Variants in PLEKHN1 observed in about 807,000 individuals in gnomAD.
PLEKHN1 encodes pleckstrin homology domain-containing family N member 1.
A neutral mutation model predicts 72.8 loss-of-function variants in PLEKHN1; 68 were observed. The observed-to-expected ratio is 0.93, with a 90% CI of 0.77 to 1.14. PLEKHN1 has a LOEUF of 1.14. Among genes scored for constraint, PLEKHN1 ranks in the 50% most tolerant of loss-of-function variants. The pLI, the probability that PLEKHN1 is intolerant of heterozygous loss-of-function variation, is 0.00. For missense variants in PLEKHN1, 1,015 were observed against 840.5 expected, an observed-to-expected ratio of 1.21 and a Z score of -2.57; for synonymous variants, 454 against 371.6, an observed-to-expected ratio of 1.22 and a Z score of -2.55.
In PLEKHN1 at chr1:972,488, G is replaced by A. The variant is rs915440497; in HGVS notation, c.1002+64G>A. 54 of 1,473,720 alleles carry A rather than the reference G, an allele frequency of 3.7e-5. No individual in the cohort carries two copies. The African/African-American group carries it at 4.1e-4, about 11-fold the overall frequency. The allele number at this position is 1,473,720 out of a possible 1,614,324, so 91.3% of individuals were successfully genotyped here. On this transcript the variant is annotated intron_variant, in intron 10 of 15. Coordinates refer to ENST00000379410, the MANE Select transcript of PLEKHN1 (RefSeq NM_032129.3). ...AGTGGTAAAAAGGGGGCAGCAGACC[G>A]GGCGTGGTGGCGCACGCCTGTAATC...
In PLEKHN1 at chr1:970,900, T is replaced by C. The variant is rs1211806765; in HGVS notation, c.506T>C (p.Leu169Pro). 3.7e-6 allele frequency: 6 copies of C among 1,610,862 alleles called. No individual in the cohort carries two copies. The highest frequency in any genetic ancestry group is 5.1e-6 in the Non-Finnish European group (6 of 1,179,826). The part of the protein sequence containing the change: ...QITGPLPAPL[L>P]VLCPSRAELD... ...GCAGGCCCACTGCCCGCACCCCTCC[T>C]GGTGCTCTGCCCCAGCCGGGCCGAG... The change falls in exon 6 of 16, where the codon CTG (leucine) becomes CCG (proline). Residue 169 changes from leucine (L) to proline (P), a missense_variant. Physicochemically the swap from Leu to Pro is moderately conservative, Grantham distance 98. Transcript: ENST00000379410. This position sits in a 1 kb window ranked among gnomAD's most constrained non-coding sequence, Gnocchi z 4.2.
intron 2 of PLEKHN1, among the ~76,000 whole-genome samples, chr1:968,039 A>G (rs1643102240): frequency 6.6e-6 from 1 of 152,204 alleles, no homozygotes; most frequent in African/African-American, 2.4e-5. Context: ...AGCTGGCTCT[A>G]CTACGGCTCC....
chr1:966,885 G>A (rs955798767), intron 2 of PLEKHN1, 82 bp downstream of exon 2: 5 of 1,421,284 alleles, frequency 3.5e-6, no homozygotes, highest in Non-Finnish European at 4.7e-6. Context: ...TGCAGCTCAG[G>A]GTCTTCCCCT....
At position 966,501 on chromosome 1, in the gene PLEKHN1, C is replaced by T; in HGVS notation, c.-31C>T. The T allele has an allele frequency of 1.9e-6, 3 of 1,575,594 alleles. No homozygotes were observed. The highest frequency in any genetic ancestry group is 1.1e-5 in the South Asian group (1 of 89,636). Reference sequence around the variant, plus strand: ...GGGGGCAGGAGGCTGTGGACAGGGACCCAGACTTGCCGACCTGTACGACTC... The same window carrying T: ...GGGGGCAGGAGGCTGTGGACAGGGATCCAGACTTGCCGACCTGTACGACTC... On this transcript the variant is annotated 5_prime_UTR_variant, in exon 1 of 16. Transcript: ENST00000379410.
Position 970,738 on chromosome 1 carries a change from A to G in PLEKHN1, c.464A>G (p.Glu155Gly), listed in dbSNP as rs1401441266. 1 of 1,609,204 alleles carries G rather than the reference A, an allele frequency of 6.2e-7. No homozygotes were observed. Among genetic ancestry groups the G allele is most frequent in the Non-Finnish European group, 8.5e-7 (1 of 1,177,534 alleles). Reference sequence around the variant, plus strand: ...GTCTGCCCGCTCGAGGGGTCCCGAGAGCACGCCTTCCAGATCACAGGTGTT... The same window carrying G: ...GTCTGCCCGCTCGAGGGGTCCCGAGGGCACGCCTTCCAGATCACAGGTGTT... Reference protein sequence around the residue: ...LSVCPLEGSREHAFQITGPLP... With the variant: ...LSVCPLEGSRGHAFQITGPLP... The change falls in exon 5 of 16, where the codon GAG (glutamate) becomes GGG (glycine). Residue 155 changes from glutamate to glycine, a missense_variant. Transcript: ENST00000379410. The surrounding 1 kb of genome is among the most constrained non-coding windows in gnomAD (Gnocchi z 4.2).
rs1219199006 is a variant in PLEKHN1 at position 970,711 on chromosome 1, G to A, written c.437G>A (p.Ser146Asn). 3 of 1,600,352 alleles carry A rather than the reference G, an allele frequency of 1.9e-6. No individual in the cohort carries two copies. Among genetic ancestry groups the A allele is most frequent in the Non-Finnish European group, 2.6e-6 (3 of 1,172,058 alleles). Reference protein sequence around the residue: ...FQGLLPLTELSVCPLEGSREH... With the variant: ...FQGLLPLTELNVCPLEGSREH... Reference sequence around the variant, plus strand: ...GGGCTGTTACCGCTGACGGAGCTGAGTGTCTGCCCGCTCGAGGGGTCCCGA... The same window carrying A: ...GGGCTGTTACCGCTGACGGAGCTGAATGTCTGCCCGCTCGAGGGGTCCCGA... The change falls in exon 5 of 16, where the codon AGT becomes AAT. Residue 146 changes from serine to asparagine, a missense_variant. By Grantham distance (46) the Ser-to-Asn change is conservative. Coordinates refer to ENST00000379410, the MANE Select transcript of PLEKHN1 (RefSeq NM_032129.3). The surrounding 1 kb of genome is among the most constrained non-coding windows in gnomAD (Gnocchi z 4.2).
chr1:969,673 CGT>C (rs891241741), intron 2 of PLEKHN1, among the ~76,000 whole-genome samples: 19 of 150,688 alleles, frequency 1.3e-4, no homozygotes, highest in South Asian at 4.2e-4. Context: ...CATATGTGTG[CGT>C]GTGTGTACAT....
Position 972,899 on chromosome 1 carries a change from A to T in PLEKHN1, c.1041A>T (p.Gly347=). Residue 347 remains glycine (G), a synonymous_variant, in exon 11 of 16, where the codon GGA becomes GGT. Coordinates refer to ENST00000379410, the MANE Select transcript of PLEKHN1 (RefSeq NM_032129.3). ...GSGRGSLSSG[G]QTSWDSGCLA... is the part of the protein sequence containing the mutation. Reference sequence around the variant, plus strand: ...GCCGAGGCTCACTCTCCTCAGGCGGACAGACCAGCTGGGACTCGGGGTGCT... The same window carrying T: ...GCCGAGGCTCACTCTCCTCAGGCGGTCAGACCAGCTGGGACTCGGGGTGCT... The T allele has an allele frequency of 6.4e-7, 1 of 1,559,542 alleles. No homozygotes were observed. Among genetic ancestry groups the T allele is most frequent in the Non-Finnish European group, 8.7e-7 (1 of 1,151,612 alleles).
chr1:973,964 G>A lies in PLEKHN1; in HGVS notation c.1566G>A (p.Lys522=). The A allele has an allele frequency of 6.2e-7, 1 of 1,610,112 alleles. No homozygotes were observed. The highest frequency in any genetic ancestry group is 8.5e-7 in the Non-Finnish European group (1 of 1,179,650). The change falls in exon 14 of 16, where the codon AAG becomes AAA. Residue 522 remains lysine (K), a synonymous_variant. Transcript: ENST00000379410. ...SGPAGPYLLS[K]KGALQSRAAQ... Reference sequence around the variant, plus strand: ...CCGCTGGCCCCTACTTGCTCTCCAAGAAGGGAGCCCTGCAGTCCAGAGCCG... The same window carrying A: ...CCGCTGGCCCCTACTTGCTCTCCAAAAAGGGAGCCCTGCAGTCCAGAGCCG...
chr1:967,619 C>T (rs1226066969), intron 2 of PLEKHN1, among the ~76,000 whole-genome samples: 2 of 152,130 alleles, frequency 1.3e-5, no homozygotes, highest in African/African-American at 2.4e-5. Context: ...CTGGCATGGC[C>T]GTGCAGACCC....
At position 974,569 on chromosome 1, in the gene PLEKHN1, G is replaced by T; in HGVS notation, c.1830G>T (p.Trp610Cys). 1 of 1,611,102 alleles carries T rather than the reference G, an allele frequency of 6.2e-7. No homozygotes were observed. Among genetic ancestry groups the T allele is most frequent in the Non-Finnish European group, 8.5e-7 (1 of 1,179,212 alleles). ...GPEASGGLVQ[W>C]I Reference sequence around the variant, plus strand: ...AGGCCAGTGGGGGGCTTGTGCAGTGGATCTGATGGCCGCGGTGAGGTGGGT... The same window carrying T: ...AGGCCAGTGGGGGGCTTGTGCAGTGTATCTGATGGCCGCGGTGAGGTGGGT... The change falls in exon 16 of 16, where the codon TGG (tryptophan) becomes TGT (cysteine). Residue 610 changes from tryptophan (W) to cysteine (C), a missense_variant. By Grantham distance (215) the Trp-to-Cys change is radical (BLOSUM62 -2). Transcript: ENST00000379410.
Position 973,519 on chromosome 1 carries a change from A to G in PLEKHN1, c.1313A>G (p.Glu438Gly), listed in dbSNP as rs774601662. The change falls in exon 13 of 16, where the codon GAG becomes GGG. Residue 438 changes from glutamate (E) to glycine (G), a missense_variant. Glu to Gly is a moderately conservative substitution (Grantham distance 98). Coordinates refer to ENST00000379410, the MANE Select transcript of PLEKHN1 (RefSeq NM_032129.3). ...DLTQLHRLSL[E>G]SSPDAPDHTS... is the part of the protein sequence containing the mutation. The stretch of plus-strand genomic sequence containing the variant: ...CTGCAGCTGCACAGGCTGAGCCTGG[A>G]GAGCAGCCCAGATGCCCCTGACCAC... 1.9e-6 allele frequency: 3 copies of G among 1,613,042 alleles called. No individual in the cohort carries two copies. The highest frequency in any genetic ancestry group is 2.5e-6 in the Non-Finnish European group (3 of 1,179,974).
At position 972,521 on chromosome 1, in the gene PLEKHN1, T is replaced by C; in HGVS notation, c.1002+97T>C. The C allele has an allele frequency of 2.2e-6, 3 of 1,380,462 alleles. No individual in the cohort carries two copies. In the South Asian group the frequency reaches 4.4e-5, roughly 20 times the overall value. The allele number at this position is 1,380,462 out of a possible 1,614,324, so 85.5% of individuals were successfully genotyped here. ...TGGCGCACGCCTGTAATCCCAGCAT[T>C]TTAGGAGGCTGAGGCGGGCGGATCA... On this transcript the variant is annotated intron_variant, in intron 10 of 15. Transcript: ENST00000379410.
Position 973,316 on chromosome 1 carries a change from A to G in PLEKHN1, c.1283A>G (p.Asp428Gly). The G allele has an allele frequency of 6.5e-7, 1 of 1,547,644 alleles. No individual in the cohort carries two copies. Among genetic ancestry groups the G allele is most frequent in the Non-Finnish European group, 8.8e-7 (1 of 1,142,136 alleles). Residue 428 changes from aspartate to glycine, a missense_variant, in exon 12 of 16, where the codon GAC (aspartate) becomes GGC (glycine). By Grantham distance (94) the Asp-to-Gly change is moderately conservative. Transcript: ENST00000379410. ...GGCCCTGTCACCCCACTGCACCTGGACCTGACCCAGGTGGGCCCAGCACAC... is the reference window on the plus strand; with the variant it reads ...GGCCCTGTCACCCCACTGCACCTGGGCCTGACCCAGGTGGGCCCAGCACAC... ...GRGPVTPLHL[D>G]LTQLHRLSLE...
intron 13 of PLEKHN1, 53 bp from the exon 14 acceptor site, chr1:973,780 G>A: frequency 4.4e-6 from 7 of 1,582,464 alleles, no homozygotes; most frequent in Non-Finnish European, 6.0e-6. Flanking sequence ...GGAGGTTGAG[G>A]TTCTGGGGGC....
Position 974,733 on chromosome 1 carries a change from C to G in PLEKHN1, c.*158C>G. The G allele has an allele frequency of 1.1e-6, 1 of 898,308 alleles. No individual in the cohort carries two copies. The highest frequency in any genetic ancestry group is 2.8e-5 in the East Asian group (1 of 35,646). 55.6% of individuals were successfully genotyped at this position (898,308 alleles called of 1,614,324 possible). A position where few individuals can be genotyped will look rare whatever the true frequency, so the allele number is the denominator to read the frequency against. On this transcript the variant is annotated 3_prime_UTR_variant, in exon 16 of 16. Transcript: ENST00000379410. The stretch of plus-strand genomic sequence containing the variant: ...AGAGCCCGTCCCTCAGCTCCTGTTC[C>G]TTGGTGCCAGCAGCTGGGGCAGGGA...
At chr1:969,615 C>A (rs1049939108) in intron 2 of PLEKHN1, among the ~76,000 whole-genome samples, 34 of 149,652 alleles carry the variant, frequency 2.3e-4, no homozygotes, top group African/African-American at 8.4e-4. Flanking sequence ...CACGTGTGTG[C>A]ATATCTGTGT....
At chr1:972,529 G>A in intron 10 of PLEKHN1, 105 bp downstream of exon 10, 1 of 1,344,126 alleles carries the variant, frequency 7.4e-7, no homozygotes, top group Non-Finnish European at 9.9e-7. Flanking sequence ...ATTTTAGGAG[G>A]CTGAGGCGGG....
At position 970,329 on chromosome 1, in the gene PLEKHN1, G is replaced by C. The variant is rs1436963332; in HGVS notation, c.236G>C (p.Ser79Thr). The C allele has an allele frequency of 6.2e-7, 1 of 1,613,594 alleles. No homozygotes were observed. Among genetic ancestry groups the C allele is most frequent in the South Asian group, 1.1e-5 (1 of 91,084 alleles). ...QRENLEQPFL[S>T]VFKKGRRRVP... The stretch of plus-strand genomic sequence containing the variant: ...GAAAACCTGGAGCAGCCATTCCTGA[G>C]TGTGTTCAAGAAGGGGCGGCGGAGG... Residue 79 changes from serine (S) to threonine (T), a missense_variant, in exon 3 of 16, where the codon AGT becomes ACT. Coordinates refer to ENST00000379410, the MANE Select transcript of PLEKHN1 (RefSeq NM_032129.3). This position sits in a 1 kb window ranked among gnomAD's most constrained non-coding sequence, Gnocchi z 4.2.
Sources: gnomAD v4.1 joint callset for allele counts (sites outside exome capture counted in the v4.1 genomes callset) on GRCh38, gnomAD v4.1.1 for gene constraint, Gnocchi (gnomAD v3.1) non-coding constraint, MANE v1.5 for transcripts, NCBI Gene and HGNC (gene_info 2026-07-23, HGNC 2026-07-21) for gene names.